The following BNC2 variants were observed in gnomAD, a reference collection of about 807,000 sequenced individuals.
BNC2 encodes basonuclin zinc finger protein 2.
BNC2 carries 20 observed loss-of-function variants against 76.3 expected under a neutral mutation model. The observed-to-expected ratio is 0.26, with a 90% CI of 0.18 to 0.38. BNC2 has a LOEUF of 0.38. BNC2 is among the 10% of genes least tolerant of loss of function. The probability of loss-of-function intolerance (pLI) is 1.00; values close to 1 mark genes in which losing one functional copy is unlikely to be tolerated. For synonymous variants in BNC2, 582 were observed against 514.8 expected (o/e 1.13, Z -1.77); for missense variants, 1,382 against 1,399.8 (o/e 0.99, Z 0.20).
At chr9:16,663,459 T>C (rs931768175) in intron 3 of BNC2, among the ~76,000 whole-genome samples, 1 of 151,966 alleles carries the variant, frequency 6.6e-6, no homozygotes, top group African/African-American at 2.4e-5. Flanking sequence ...CAAATATGAG[T>C]TCTTTCTAAT....
chr9:16,625,125 T>C (rs1820958153), intron 3 of BNC2, among the ~76,000 whole-genome samples: 1 of 152,208 alleles, frequency 6.6e-6, no homozygotes, highest in South Asian at 2.1e-4. Flanking sequence ...AGAGAATTAT[T>C]TGTAAGATTA....
chr9:16,575,540 G>T, intron 4 of BNC2: 1 of 657,124 alleles, frequency 1.5e-6, no homozygotes, highest in Non-Finnish European at 1.9e-6. Flanking sequence ...TGCAGGCTGA[G>T]AAACAAATCA....
chr9:16,517,614 A>T (rs1412995886), intron 5 of BNC2, among the ~76,000 whole-genome samples: 2 of 152,212 alleles, frequency 1.3e-5, no homozygotes, highest in Non-Finnish European at 2.9e-5. Context: ...TAAATGTACA[A>T]ACCTGACCTG....
At chr9:16,523,465 C>T (rs953726677) in intron 5 of BNC2, among the ~76,000 whole-genome samples, 35 of 139,852 alleles carry the variant, frequency 2.5e-4, no homozygotes, top group African/African-American at 8.5e-4. Flanking sequence ...AGCAAGACCC[C>T]GTCTCAAAAC....
intron 6 of BNC2, among the ~76,000 whole-genome samples, chr9:16,422,236 C>T (rs1009232608): frequency 3.3e-5 from 5 of 152,164 alleles, no homozygotes; most frequent in African/African-American, 9.7e-5. Context: ...GTCAACCAAA[C>T]GATGTGCAGA....
intron 3 of BNC2, among the ~76,000 whole-genome samples, chr9:16,709,542 T>C (rs1355270370): frequency 6.6e-6 from 1 of 152,130 alleles, no homozygotes; most frequent in Non-Finnish European, 1.5e-5. Flanking sequence ...GGAGAGATGT[T>C]AAAGAACTCA....
chr9:16,501,084 C>G (rs1301483105), intron 5 of BNC2, among the ~76,000 whole-genome samples: 1 of 151,126 alleles, frequency 6.6e-6, no homozygotes, highest in Non-Finnish European at 1.5e-5. Context: ...CTTAGTTTTC[C>G]TCTTTGTAAA....
At chr9:16,854,879 C>T (rs142383166) in intron 1 of BNC2, among the ~76,000 whole-genome samples, 87 of 152,032 alleles carry the variant, frequency 5.7e-4, no homozygotes, top group Non-Finnish European at 1.0e-3. Context: ...GAAAGGAGTC[C>T]AAAGTGTGCA....
At chr9:16,575,377 C>T in intron 4 of BNC2, 3 of 985,358 alleles carry the variant, frequency 3.0e-6, no homozygotes, top group Non-Finnish European at 3.6e-6. Context: ...TCTTGCCAGC[C>T]TCACTTTATG....
intron 6 of BNC2, among the ~76,000 whole-genome samples, chr9:16,434,312 T>C (rs1376806772): frequency 3.3e-5 from 5 of 152,236 alleles, no homozygotes; most frequent in South Asian, 4.1e-4. Context: ...GACAGGACAC[T>C]ACTTTTCAGT....
At chr9:16,603,309 G>C (rs910979472) in intron 3 of BNC2, among the ~76,000 whole-genome samples, 1 of 152,142 alleles carries the variant, frequency 6.6e-6, no homozygotes, top group African/African-American at 2.4e-5. Flanking sequence ...GTGTCAGGTA[G>C]AATGCTAATG....
intron 1 of BNC2, among the ~76,000 whole-genome samples, chr9:16,852,846 C>T (rs1819159244): frequency 1.3e-5 from 2 of 152,222 alleles, no homozygotes; most frequent in South Asian, 4.1e-4. Flanking sequence ...ATGCAAAGGG[C>T]TGAGGTAGGT....
intron 1 of BNC2, among the ~76,000 whole-genome samples, chr9:16,765,565 G>A (rs752766358): frequency 6.6e-6 from 1 of 152,130 alleles, no homozygotes; most frequent in African/African-American, 2.4e-5. Context: ...GTTAGGTAAT[G>A]AAATGCACAG....
chr9:16,587,876 C>T (rs1819816331), intron 3 of BNC2, among the ~76,000 whole-genome samples: 1 of 152,188 alleles, frequency 6.6e-6, no homozygotes, highest in African/African-American at 2.4e-5. Context: ...CCATTCAAGA[C>T]AAGTTCCCCA....
At chr9:16,421,313 G>A in intron 6 of BNC2, 1 of 1,288,718 alleles carries the variant, frequency 7.8e-7, no homozygotes, top group Non-Finnish European at 1.0e-6. Context: ...GATCACAAAA[G>A]AAAGCAAGAA....
At chr9:16,780,184 C>T (rs1265550272) in intron 1 of BNC2, among the ~76,000 whole-genome samples, 1 of 127,598 alleles carries the variant, frequency 7.8e-6, no homozygotes, top group East Asian at 2.2e-4. Flanking sequence ...TGCAGTGAGC[C>T]GAGATCGCGC....
intron 5 of BNC2, among the ~76,000 whole-genome samples, chr9:16,513,791 T>C (rs928581442): frequency 1.3e-5 from 2 of 152,118 alleles, no homozygotes; most frequent in African/African-American, 4.8e-5. Flanking sequence ...AGGGCAGTCA[T>C]GGGCCTGGGG....
At chr9:16,480,877 A>C (rs1014318667) in intron 5 of BNC2, among the ~76,000 whole-genome samples, 3 of 152,150 alleles carry the variant, frequency 2.0e-5, no homozygotes, top group Non-Finnish European at 4.4e-5. Flanking sequence ...CGACCACCCA[A>C]GGGCTGAGGA....
intron 5 of BNC2, among the ~76,000 whole-genome samples, chr9:16,444,085 T>C (rs1397137973): frequency 6.6e-6 from 1 of 152,240 alleles, no homozygotes; most frequent in Non-Finnish European, 1.5e-5. Context: ...CCTTTCCTCC[T>C]GTATTACAGC....
Sources: allele counts gnomAD v4.1 joint callset (sites outside exome capture counted in the v4.1 genomes callset), GRCh38; gene constraint gnomAD v4.1.1; transcripts MANE v1.5; gene names NCBI Gene and HGNC (gene_info 2026-07-23, HGNC 2026-07-21).